Variants in GPC5 observed in about 807,000 individuals in gnomAD.
GPC5 encodes glypican 5, also known as glypican-5.
Under a neutral mutation model 53.9 loss-of-function variants are expected in GPC5, and 47 were observed. The observed-to-expected ratio is 0.87, with a 90% CI of 0.69 to 1.11. The LOEUF (loss-of-function observed/expected upper bound fraction) is 1.11. Ranked by LOEUF, GPC5 falls within the 50% of genes most tolerant of loss-of-function variation. The pLI, the probability that GPC5 is intolerant of heterozygous loss-of-function variation, is 0.00. For synonymous variants in GPC5, 286 were observed against 263.3 expected (o/e 1.09, Z -0.84); for missense variants, 748 against 713.1 (o/e 1.05, Z -0.56).
At chr13:92,436,992 C>T (rs1594201495) in intron 7 of GPC5, among the ~76,000 whole-genome samples, 1 of 152,112 alleles carries the variant, frequency 6.6e-6, no homozygotes. Flanking sequence ...AGGATATCTT[C>T]TTATCAAAGG....
chr13:91,732,999 A>C (rs2036735096), intron 4 of GPC5, among the ~76,000 whole-genome samples: 1 of 152,164 alleles, frequency 6.6e-6, no homozygotes, highest in South Asian at 2.1e-4. Flanking sequence ...TGTCTTGGCT[A>C]TACGGGCTCT....
chr13:92,316,441 T>G (rs769650162), intron 7 of GPC5, among the ~76,000 whole-genome samples: 2 of 152,124 alleles, frequency 1.3e-5, no homozygotes, highest in Non-Finnish European at 2.9e-5. Context: ...CACTCATATA[T>G]TTACTTGGCT....
At chr13:92,541,757 C>A (rs933878695) in intron 7 of GPC5, among the ~76,000 whole-genome samples, 1 of 151,728 alleles carries the variant, frequency 6.6e-6, no homozygotes, top group Non-Finnish European at 1.5e-5. Context: ...TTTTACTTTG[C>A]GCATGTATGT....
chr13:91,985,825 C>T (rs2040401570), intron 6 of GPC5, among the ~76,000 whole-genome samples: 1 of 152,096 alleles, frequency 6.6e-6, no homozygotes, highest in African/African-American at 2.4e-5. Context: ...ACTAAAACAA[C>T]ACCACATAGT....
At chr13:91,699,237 A>G (rs527364663) in intron 3 of GPC5, among the ~76,000 whole-genome samples, 7 of 152,338 alleles carry the variant, frequency 4.6e-5, no homozygotes, top group African/African-American at 9.6e-5. Context: ...TAATATATGA[A>G]AAGTTGACAA....
At chr13:91,707,499 TG>T (rs1349252663) in intron 3 of GPC5, among the ~76,000 whole-genome samples, 1 of 152,120 alleles carries the variant, frequency 6.6e-6, no homozygotes, top group Non-Finnish European at 1.5e-5. Context: ...GGCACACCTG[TG>T]GTCCCAGCTG....
intron 5 of GPC5, among the ~76,000 whole-genome samples, chr13:91,882,425 G>T (rs138260677): frequency 0.019 from 2,927 of 151,888 alleles, 43 homozygotes; most frequent in Middle Eastern, 0.038. Context: ...TTCATTTAGT[G>T]TTTTGTTTTG....
intron 7 of GPC5, among the ~76,000 whole-genome samples, chr13:92,775,491 G>A (rs1465041792): frequency 1.3e-5 from 2 of 152,058 alleles, no homozygotes; most frequent in Non-Finnish European, 2.9e-5. Context: ...AAGCAATAAA[G>A]CTGCCAAAAA....
chr13:92,397,857 A>G (rs539114559), intron 7 of GPC5, among the ~76,000 whole-genome samples: 1 of 152,324 alleles, frequency 6.6e-6, no homozygotes, highest in East Asian at 1.9e-4. Flanking sequence ...TGGTTGAAAG[A>G]TATTATTCTA....
At chr13:91,695,397 G>A (rs1428343656) in intron 3 of GPC5, among the ~76,000 whole-genome samples, 4 of 151,748 alleles carry the variant, frequency 2.6e-5, no homozygotes, top group Non-Finnish European at 4.4e-5. Flanking sequence ...ATTTTTTGAC[G>A]GAGTCTCACT....
intron 2 of GPC5, among the ~76,000 whole-genome samples, chr13:91,485,213 CTT>C (rs3052562): frequency 0.43 from 60,735 of 141,024 alleles, 13,365 homozygotes; most frequent in Non-Finnish European, 0.51. Context: ...ATCTTGGTCC[CTT>C]TTTTTTTTTT....
intron 2 of GPC5, among the ~76,000 whole-genome samples, chr13:91,516,362 G>C (rs1795863842): frequency 6.6e-6 from 1 of 152,146 alleles, no homozygotes; most frequent in Non-Finnish European, 1.5e-5. Context: ...CCAAAACAAA[G>C]AGATTACAGG....
chr13:92,666,956 A>G (rs61975929), intron 7 of GPC5, among the ~76,000 whole-genome samples: 34,522 of 152,126 alleles, frequency 0.23, 4,499 homozygotes, highest in South Asian at 0.39. Context: ...GTTCTATTCC[A>G]TTCTTAACTG....
At position 92,095,607 on chromosome 13, in the gene GPC5, T is replaced by A. The variant is rs1372352985; in HGVS notation, c.1402-49223T>A. On this transcript the variant is annotated intron_variant, in intron 6 of 7. Transcript: ENST00000377067. ...TGGAGTGCAACGGAACCATCTCGGC[T>A]CACTGCAACCTCCACCTCCTGGGTT... is the stretch of plus-strand genomic sequence containing the variant. 2.0e-5 allele frequency among the ~76,000 whole-genome samples: 3 copies of A among 152,174 alleles called. No individual in the cohort carries two copies. The East Asian group carries it at 5.8e-4, about 29-fold the overall frequency.
chr13:92,807,692 C>T (rs1877147165), intron 7 of GPC5, among the ~76,000 whole-genome samples: 1 of 151,874 alleles, frequency 6.6e-6, no homozygotes. Context: ...AGGTTTTTAT[C>T]CCAATAAAAA....
At chr13:91,999,199 A>G (rs936229261) in intron 6 of GPC5, among the ~76,000 whole-genome samples, 2 of 99,150 alleles carry the variant, frequency 2.0e-5, no homozygotes, top group Admixed American at 8.8e-5. Context: ...TAAGTGCATC[A>G]AAATAACCTT....
intron 2 of GPC5, among the ~76,000 whole-genome samples, chr13:91,521,447 T>G (rs1227631715): frequency 1.3e-5 from 2 of 152,218 alleles, no homozygotes; most frequent in African/African-American, 4.8e-5. Flanking sequence ...TCAAGAGGCA[T>G]CATACAGATA....
At chr13:92,091,856 C>T (rs1231586190) in intron 6 of GPC5, among the ~76,000 whole-genome samples, 11 of 151,782 alleles carry the variant, frequency 7.2e-5, no homozygotes, top group Non-Finnish European at 1.0e-4. Flanking sequence ...AAGATATTTA[C>T]GTTCTTCCCA....
At chr13:91,801,927 TAAG>T (rs901441885) in intron 5 of GPC5, among the ~76,000 whole-genome samples, 3 of 152,160 alleles carry the variant, frequency 2.0e-5, no homozygotes, top group African/African-American at 7.2e-5. Context: ...CATTCCTAAA[TAAG>T]AAGATTATCT....
Sources: allele counts gnomAD v4.1 joint callset (sites outside exome capture counted in the v4.1 genomes callset), GRCh38; gene constraint gnomAD v4.1.1; transcripts MANE v1.5; gene names NCBI Gene and HGNC (gene_info 2026-07-23, HGNC 2026-07-21).